ASXL2: variants seen among roughly 807,000 people sequenced by gnomAD.
ASXL2 encodes the protein putative Polycomb group protein ASXL2.
ASXL2 carries 23 observed loss-of-function variants against 122.0 expected under a neutral mutation model. The ratio of observed to expected loss-of-function variants is 0.19; its 90% CI spans 0.14 to 0.27. ASXL2 has a LOEUF of 0.27. Among genes scored for constraint, ASXL2 ranks in the 10% least tolerant of loss-of-function variants. ASXL2 has a pLI of 1.00. For synonymous variants in ASXL2, 650 were observed against 637.0 expected (o/e 1.02, Z -0.31); for missense variants, 1,518 against 1,713.8 (o/e 0.89, Z 2.02).
At chr2:25,786,865 A>G (rs187377992) in intron 5 of ASXL2, among the ~76,000 whole-genome samples, 3 of 152,166 alleles carry the variant, frequency 2.0e-5, no homozygotes, top group African/African-American at 7.2e-5. Context: ...AAAAACAAAC[A>G]AACAAAAATT....
chr2:25,842,843 A>G (rs534765741), intron 2 of ASXL2, among the ~76,000 whole-genome samples: 1 of 151,260 alleles, frequency 6.6e-6, no homozygotes, highest in Non-Finnish European at 1.5e-5. Context: ...GTTTTTTGAG[A>G]CAGAGTCTCG....
Position 25,739,243 on chromosome 2 carries a change from T to C in ASXL2, c.*2786A>G, listed in dbSNP as rs1184581950. On this transcript the variant is annotated 3_prime_UTR_variant, in exon 13 of 13. Transcript: ENST00000435504. The stretch of plus-strand genomic sequence containing the variant: ...CAGCATTTATTAAAACTTTTCAGAT[T>C]GGGATGAAAGGTAAAACAACTCAAA... 6.3e-6 allele frequency: 1 copy of C among 157,630 alleles called. No individual in the cohort carries two copies. Among genetic ancestry groups the C allele is most frequent in the Non-Finnish European group, 1.4e-5 (1 of 71,202 alleles). The allele number at this position is 157,630 out of a possible 1,614,324, so 9.8% of individuals were successfully genotyped here.
At chr2:25,869,794 C>T (rs534860055) in intron 1 of ASXL2, among the ~76,000 whole-genome samples, 6 of 149,244 alleles carry the variant, frequency 4.0e-5, no homozygotes, top group South Asian at 4.2e-4. Flanking sequence ...CCAGCCTGGG[C>T]GACAGAGCAA....
At chr2:25,830,693 C>T (rs968625560) in intron 3 of ASXL2, 8 of 149,234 alleles carry the variant, frequency 5.4e-5, no homozygotes, top group Non-Finnish European at 4.5e-5. Flanking sequence ...GCTTCAAGAA[C>T]TACTTAAAAT....
chr2:25,843,814 T>TAAAAAAAAAAAAAAAAAAAAAAAAAAAAA (rs541446675), intron 2 of ASXL2, among the ~76,000 whole-genome samples: 3 of 86,502 alleles, frequency 3.5e-5, no homozygotes, highest in African/African-American at 9.4e-5. Flanking sequence ...CTCCATCTCT[T>TAAAAAAAAAAAAAAAAAAAAAAAAAAAAA]AAAAAAAAAA....
chr2:25,790,461 T>C (rs1482048268), intron 5 of ASXL2, among the ~76,000 whole-genome samples: 1 of 151,862 alleles, frequency 6.6e-6, no homozygotes, highest in African/African-American at 2.4e-5. Context: ...TAAAGCTTTA[T>C]TTTAACTATA....
intron 1 of ASXL2, among the ~76,000 whole-genome samples, chr2:25,851,846 G>A (rs746981346): frequency 1.3e-5 from 2 of 152,048 alleles, no homozygotes; most frequent in African/African-American, 4.8e-5. Context: ...AGCCGAGATC[G>A]TGCCACTGGA....
intron 1 of ASXL2, among the ~76,000 whole-genome samples, chr2:25,863,534 A>G (rs2089863503): frequency 6.6e-6 from 1 of 150,840 alleles, no homozygotes; most frequent in African/African-American, 2.5e-5. Flanking sequence ...CTACTAAAAT[A>G]TACAAAAAAT....
intron 5 of ASXL2, among the ~76,000 whole-genome samples, chr2:25,771,956 A>C (rs2088463534): frequency 6.6e-6 from 1 of 152,162 alleles, no homozygotes; most frequent in Non-Finnish European, 1.5e-5. Context: ...AGGCCATTCG[A>C]CCTCAAAACT....
chr2:25,761,208 T>A (rs1202968540), intron 8 of ASXL2, among the ~76,000 whole-genome samples: 1 of 152,120 alleles, frequency 6.6e-6, no homozygotes, highest in Non-Finnish European at 1.5e-5. Context: ...GAACTGACAG[T>A]TGTACATTTG....
At chr2:25,751,812 C>T (rs886430536) in intron 11 of ASXL2, among the ~76,000 whole-genome samples, 3 of 151,518 alleles carry the variant, frequency 2.0e-5, no homozygotes, top group African/African-American at 7.3e-5. Flanking sequence ...GACAAGGTCT[C>T]ACTTCGTCGC....
intron 12 of ASXL2, among the ~76,000 whole-genome samples, chr2:25,745,810 A>C (rs2087932194): frequency 6.7e-6 from 1 of 150,302 alleles, no homozygotes; most frequent in African/African-American, 2.5e-5. Context: ...CACCCAGCTA[A>C]TTTTTTTGTA....
At chr2:25,796,294 T>A (rs1368269467) in intron 5 of ASXL2, among the ~76,000 whole-genome samples, 1 of 152,200 alleles carries the variant, frequency 6.6e-6, no homozygotes, top group Admixed American at 6.5e-5. Flanking sequence ...AACTCACCTA[T>A]CATCACTCAA....
chr2:25,846,396 G>C (rs996934629), intron 1 of ASXL2, among the ~76,000 whole-genome samples: 1 of 152,042 alleles, frequency 6.6e-6, no homozygotes, highest in African/African-American at 2.4e-5. Context: ...CTGTAATCTC[G>C]GCACTTTGGA....
At chr2:25,804,725 AG>A (rs1256664787) in intron 4 of ASXL2, among the ~76,000 whole-genome samples, 1 of 152,184 alleles carries the variant, frequency 6.6e-6, no homozygotes, top group East Asian at 1.9e-4. Context: ...TGATAAGTAA[AG>A]GTCTCTTCTC....
intron 5 of ASXL2, among the ~76,000 whole-genome samples, chr2:25,794,127 T>C (rs1025349129): frequency 2.0e-5 from 3 of 152,170 alleles, no homozygotes; most frequent in African/African-American, 7.2e-5. Flanking sequence ...GTTTATGGTA[T>C]TTTAAATAAC....
intron 5 of ASXL2, among the ~76,000 whole-genome samples, chr2:25,796,660 T>C (rs773450683): frequency 6.6e-6 from 1 of 152,212 alleles, no homozygotes. Flanking sequence ...TGTTTGCTAG[T>C]AGAAATGAAA....
In ASXL2 at chr2:25,739,666, A is replaced by T. The variant is rs1452773496; in HGVS notation, c.*2363T>A. 1 of 199,392 alleles carries T rather than the reference A, an allele frequency of 5.0e-6. No homozygotes were observed. Among genetic ancestry groups the T allele is most frequent in the Non-Finnish European group, 1.0e-5 (1 of 96,748 alleles). The allele number at this position is 199,392 out of a possible 1,614,324, so 12.4% of individuals were successfully genotyped here. ...GCCTGGGTCAAGATGAAGAGGCACA[A>T]TATGGTTTGCTCTCTAAACGGACTT... On this transcript the variant is annotated 3_prime_UTR_variant, in exon 13 of 13. Coordinates refer to ENST00000435504, the MANE Select transcript of ASXL2 (RefSeq NM_018263.6).
chr2:25,794,321 A>C (rs1340880806), intron 5 of ASXL2, among the ~76,000 whole-genome samples: 5 of 152,224 alleles, frequency 3.3e-5, no homozygotes, highest in African/African-American at 1.2e-4. Context: ...TTTTTCTATC[A>C]GAAGATAAAA....
Sources: gnomAD v4.1 joint callset for allele counts (sites outside exome capture counted in the v4.1 genomes callset) on GRCh38, gnomAD v4.1.1 for gene constraint, MANE v1.5 for transcripts, NCBI Gene and HGNC (gene_info 2026-07-23, HGNC 2026-07-21) for gene names.